Variants in SEMA3D observed in about 807,000 individuals in gnomAD.
SEMA3D encodes the protein semaphorin 3D.
In SEMA3D, 84 loss-of-function variants were observed where a neutral mutation model predicts 100.1. The ratio of observed to expected loss-of-function variants is 0.84; its 90% CI spans 0.70 to 1.01. SEMA3D has a LOEUF of 1.01. SEMA3D is among the 50% of genes least tolerant of loss of function. The probability of loss-of-function intolerance (pLI) is 0.00; values close to 1 mark genes in which losing one functional copy is unlikely to be tolerated. For missense variants in SEMA3D, 875 were observed against 934.1 expected (o/e 0.94, Z 0.82); for synonymous variants, 312 against 320.7 (o/e 0.97, Z 0.29).
Position 85,122,517 on chromosome 7 carries a change from G to A in SEMA3D, c.-40-586C>T, listed in dbSNP as rs894566613. 2.0e-5 allele frequency among the ~76,000 whole-genome samples: 3 copies of A among 152,166 alleles called. No homozygotes were observed. The East Asian group carries it at 5.8e-4, about 29-fold the overall frequency. On this transcript the variant is annotated intron_variant, in intron 2 of 18. Coordinates refer to ENST00000284136, the MANE Select transcript of SEMA3D (RefSeq NM_001384900.1). ...GCAAATATCTGAAGAACCAACTTTT[G>A]TCGAAACTTGAATTATTTGATCAGA...
intron 12 of SEMA3D, chr7:85,029,427 A>G: frequency 1.3e-6 from 1 of 783,534 alleles, no homozygotes; most frequent in South Asian, 1.3e-5. Context: ...AAGATGAGAA[A>G]CTTCAAGTCA....
chr7:85,178,666 A>T (rs1041213770), intron 1 of SEMA3D, among the ~76,000 whole-genome samples: 2 of 152,242 alleles, frequency 1.3e-5, no homozygotes, highest in Admixed American at 6.5e-5. Flanking sequence ...GATGTAACAG[A>T]AAAGAAAAAC....
chr7:85,150,421 C>A, intron 2 of SEMA3D, among the ~76,000 whole-genome samples: 1 of 143,312 alleles, frequency 7.0e-6, no homozygotes, highest in South Asian at 2.2e-4. Flanking sequence ...TATATACACA[C>A]ACACACATAT....
intron 15 of SEMA3D, among the ~76,000 whole-genome samples, chr7:85,017,458 C>T (rs1294413400): frequency 6.6e-6 from 1 of 151,612 alleles, no homozygotes; most frequent in Non-Finnish European, 1.5e-5. Flanking sequence ...AAATAAATGA[C>T]AAAGCCCTGA....
the SEMA3D span, among the ~76,000 whole-genome samples, chr7:85,196,836 G>A: frequency 6.6e-6 from 1 of 152,036 alleles, no homozygotes; most frequent in Non-Finnish European, 1.5e-5. Context: ...AAGACAAAAT[G>A]CCAATAGTTA....
At chr7:85,246,464 G>A in the SEMA3D span, among the ~76,000 whole-genome samples, 3 of 151,976 alleles carry the variant, frequency 2.0e-5, no homozygotes, top group East Asian at 3.9e-4. Context: ...AACTGCAAAT[G>A]TAAATGTGCC....
At chr7:85,152,229 G>A (rs1305337753) in intron 2 of SEMA3D, among the ~76,000 whole-genome samples, 1 of 152,014 alleles carries the variant, frequency 6.6e-6, no homozygotes, top group Admixed American at 6.6e-5. Context: ...GTGTAAATAA[G>A]TAATGAATGA....
intron 2 of SEMA3D, chr7:85,142,672 GC>G (rs1405969028): frequency 5.1e-6 from 4 of 788,892 alleles, no homozygotes; most frequent in African/African-American, 3.0e-5. Context: ...AAGAAGGATG[GC>G]ATTTTTTTTT....
intron 9 of SEMA3D, among the ~76,000 whole-genome samples, chr7:85,053,717 C>A (rs774183936): frequency 2.0e-5 from 3 of 151,874 alleles, no homozygotes; most frequent in Non-Finnish European, 2.9e-5. Context: ...GACATTTGAC[C>A]AATGGATCAT....
chr7:85,201,757 G>A, the SEMA3D span, among the ~76,000 whole-genome samples: 1 of 151,414 alleles, frequency 6.6e-6, no homozygotes, highest in African/African-American at 2.4e-5. Context: ...CTCTCTCTCT[G>A]TCTCCCAGGC....
At chr7:85,069,485 G>C (rs929148104) in intron 6 of SEMA3D, among the ~76,000 whole-genome samples, 4 of 152,060 alleles carry the variant, frequency 2.6e-5, no homozygotes, top group Non-Finnish European at 4.4e-5. Context: ...AGCCAGTCAA[G>C]GACTCATACA....
the SEMA3D span, among the ~76,000 whole-genome samples, chr7:85,229,005 T>C: frequency 6.6e-6 from 1 of 152,042 alleles, no homozygotes; most frequent in Non-Finnish European, 1.5e-5. Context: ...AGACATTGTT[T>C]CAATGATTTT....
At chr7:85,031,858 C>G (rs544084219) in intron 12 of SEMA3D, among the ~76,000 whole-genome samples, 2 of 151,830 alleles carry the variant, frequency 1.3e-5, no homozygotes, top group Admixed American at 6.6e-5. Context: ...TTTATATAAA[C>G]AAAAATTACT....
chr7:85,113,925 G>T (rs1413211366), intron 3 of SEMA3D, among the ~76,000 whole-genome samples: 2 of 152,028 alleles, frequency 1.3e-5, no homozygotes, highest in African/African-American at 2.4e-5. Flanking sequence ...AGAAAACAAA[G>T]CTAATTTTAT....
At chr7:85,018,703 TTAAG>T (rs1317379271) in intron 14 of SEMA3D, among the ~76,000 whole-genome samples, 8 of 151,878 alleles carry the variant, frequency 5.3e-5, no homozygotes, top group Non-Finnish European at 1.0e-4. Flanking sequence ...AAAAAGTTGT[TTAAG>T]TAGCAGAGTT....
chr7:85,185,464 A>G (rs1235288226), intron 1 of SEMA3D, among the ~76,000 whole-genome samples: 1 of 152,176 alleles, frequency 6.6e-6, no homozygotes, highest in Admixed American at 6.5e-5. Flanking sequence ...GCTAAACGGA[A>G]AGTGGTGGGG....
intron 3 of SEMA3D, among the ~76,000 whole-genome samples, chr7:85,102,357 G>A (rs1191413116): frequency 1.3e-5 from 2 of 151,884 alleles, no homozygotes; most frequent in Non-Finnish European, 2.9e-5. Context: ...CCTGTGTCAG[G>A]GCAAAGACCA....
At chr7:85,096,049 T>G (rs551048805) in intron 4 of SEMA3D, among the ~76,000 whole-genome samples, 1 of 152,004 alleles carries the variant, frequency 6.6e-6, no homozygotes, top group Non-Finnish European at 1.5e-5. Flanking sequence ...AAAGTATGAA[T>G]TGCTTTTTGC....
chr7:85,215,117 CTTTT>C, the SEMA3D span, among the ~76,000 whole-genome samples: 1,986 of 128,296 alleles, frequency 0.015, 42 homozygotes, highest in African/African-American at 0.054. Context: ...TTCTTTCTTT[CTTTT>C]TTTTTTTTTT....
Sources: allele counts gnomAD v4.1 joint callset (sites outside exome capture counted in the v4.1 genomes callset), GRCh38; gene constraint gnomAD v4.1.1; transcripts MANE v1.5; gene names NCBI Gene and HGNC (gene_info 2026-07-23, HGNC 2026-07-21).